Variants in PTPRG observed in about 807,000 individuals in gnomAD.
PTPRG encodes the protein receptor-type tyrosine-protein phosphatase gamma.
A neutral mutation model predicts 165.3 loss-of-function variants in PTPRG; 102 were observed. The observed-to-expected ratio is 0.62, with a 90% CI of 0.53 to 0.73. The LOEUF (loss-of-function observed/expected upper bound fraction) is 0.73, where lower values mean the gene tolerates loss of function less well. PTPRG is among the 30% of genes least tolerant of loss of function. The pLI, the probability that PTPRG is intolerant of heterozygous loss-of-function variation, is 0.00. For missense variants in PTPRG, 1,866 were observed against 1,861.4 expected, an observed-to-expected ratio of 1.00 and a Z score of -0.05; for synonymous variants, 675 against 669.5, an observed-to-expected ratio of 1.01 and a Z score of -0.13.
At chr3:62,275,634 C>T (rs1440630811) in intron 23 of PTPRG, among the ~76,000 whole-genome samples, 1 of 152,128 alleles carries the variant, frequency 6.6e-6, no homozygotes, top group Non-Finnish European at 1.5e-5. Flanking sequence ...TGTGCTGATG[C>T]ACCTGTGGTC....
intron 1 of PTPRG, among the ~76,000 whole-genome samples, chr3:61,626,346 G>A (rs951191941): frequency 1.3e-5 from 2 of 152,056 alleles, no homozygotes; most frequent in African/African-American, 4.8e-5. Flanking sequence ...CTTATTGCTG[G>A]AAAATCTGTA....
chr3:61,721,166 T>C (rs1372822227), intron 1 of PTPRG, among the ~76,000 whole-genome samples: 2 of 152,248 alleles, frequency 1.3e-5, no homozygotes, highest in Non-Finnish European at 2.9e-5. Context: ...TTTCTGTTTC[T>C]GGTCACTGGC....
rs575334596 is a variant in PTPRG at position 62,062,020 on chromosome 3, G to A, written c.520-16143G>A. On this transcript the variant is annotated intron_variant, in intron 4 of 29. Coordinates refer to ENST00000474889, the MANE Select transcript of PTPRG (RefSeq NM_002841.4). Reference sequence around the variant, plus strand: ...TTTCGTTACAATTTAGTATGGGGGGGCGGGCGTGGTGGCTCACGCCTGTAA... The same window carrying A: ...TTTCGTTACAATTTAGTATGGGGGGACGGGCGTGGTGGCTCACGCCTGTAA... Among the ~76,000 whole-genome samples the A allele has an allele frequency of 2.8e-3, 420 of 151,946 alleles. 1 individual carries two copies. The highest frequency in any genetic ancestry group is 9.7e-3 in the African/African-American group (402 of 41,496).
At chr3:61,997,882 C>T (rs986256850) in intron 3 of PTPRG, among the ~76,000 whole-genome samples, 2 of 152,162 alleles carry the variant, frequency 1.3e-5, no homozygotes, top group Non-Finnish European at 2.9e-5. Flanking sequence ...CCCAGGGCAA[C>T]CCTCTGATGT....
At chr3:62,026,794 G>T (rs1435668604) in intron 4 of PTPRG, among the ~76,000 whole-genome samples, 2 of 150,546 alleles carry the variant, frequency 1.3e-5, no homozygotes, top group African/African-American at 4.9e-5. Flanking sequence ...TCTGAGGCAG[G>T]AGAATCGCTT....
At chr3:61,715,928 G>A (rs541001834) in intron 1 of PTPRG, among the ~76,000 whole-genome samples, 173 of 151,794 alleles carry the variant, frequency 1.1e-3, no homozygotes, top group African/African-American at 4.0e-3. Context: ...ATTAGTCCCT[G>A]GATAGATAAG....
At chr3:61,868,535 A>G (rs991175913) in intron 2 of PTPRG, among the ~76,000 whole-genome samples, 3 of 151,848 alleles carry the variant, frequency 2.0e-5, no homozygotes, top group Non-Finnish European at 4.4e-5. Context: ...TTCCTTGTTC[A>G]CTTTCCCCCT....
intron 1 of PTPRG, among the ~76,000 whole-genome samples, chr3:61,586,762 A>C (rs1015755228): frequency 4.6e-5 from 7 of 152,238 alleles, no homozygotes; most frequent in Admixed American, 2.6e-4. Context: ...TCCCAGAAAC[A>C]ATCTACTTGG....
chr3:62,037,246 T>C (rs1455468625), intron 4 of PTPRG, among the ~76,000 whole-genome samples: 1 of 152,170 alleles, frequency 6.6e-6, no homozygotes, highest in African/African-American at 2.4e-5. Context: ...CATTTGCTCA[T>C]ATGGAAACAA....
chr3:61,570,478 G>C (rs1700030035), intron 1 of PTPRG, among the ~76,000 whole-genome samples: 1 of 152,140 alleles, frequency 6.6e-6, no homozygotes, highest in Non-Finnish European at 1.5e-5. Context: ...TTATTTTTGG[G>C]TCTGTGATAC....
Position 61,786,044 on chromosome 3 carries a change from A to G in PTPRG, c.190+37062A>G, listed in dbSNP as rs535008181. On this transcript the variant is annotated intron_variant, in intron 2 of 29. Coordinates refer to ENST00000474889, the MANE Select transcript of PTPRG (RefSeq NM_002841.4). ...AACTACTAATTAGACTTATAAATAAAAGCCACCTTAAATGAACATCATGTG... is the reference window on the plus strand; with the variant it reads ...AACTACTAATTAGACTTATAAATAAGAGCCACCTTAAATGAACATCATGTG... 8.5e-5 allele frequency among the ~76,000 whole-genome samples: 13 copies of G among 152,272 alleles called. No homozygotes were observed. In the South Asian group the frequency reaches 1.0e-3, roughly 12 times the overall value.
intron 2 of PTPRG, among the ~76,000 whole-genome samples, chr3:61,848,293 GC>G (rs1331010821): frequency 2.0e-5 from 3 of 152,202 alleles, no homozygotes; most frequent in Non-Finnish European, 2.9e-5. Context: ...GCTGGGTGGG[GC>G]TGAAGTCACA....
At chr3:61,921,115 A>T (rs1186491405) in intron 2 of PTPRG, among the ~76,000 whole-genome samples, 9 of 120,592 alleles carry the variant, frequency 7.5e-5, no homozygotes, top group African/African-American at 3.0e-4. Flanking sequence ...CCTTCCATCC[A>T]TCTCCTTCCT....
chr3:62,115,142 T>C (rs1334244457), intron 5 of PTPRG, among the ~76,000 whole-genome samples: 5 of 152,176 alleles, frequency 3.3e-5, no homozygotes, highest in African/African-American at 9.7e-5. Context: ...TCATCTCTTA[T>C]CTTCCTACCT....
chr3:62,069,208 C>A (rs1376959555), intron 4 of PTPRG, among the ~76,000 whole-genome samples: 18 of 152,204 alleles, frequency 1.2e-4, no homozygotes. Context: ...CCAAAGCAAG[C>A]GCTTAGCGAA....
chr3:61,655,598 T>G (rs1216309389), intron 1 of PTPRG, among the ~76,000 whole-genome samples: 2 of 152,092 alleles, frequency 1.3e-5, no homozygotes, highest in African/African-American at 4.8e-5. Flanking sequence ...TTTGGCTCTT[T>G]TACTTTGTAT....
chr3:61,673,823 T>C (rs1446655072), intron 1 of PTPRG, among the ~76,000 whole-genome samples: 1 of 152,144 alleles, frequency 6.6e-6, no homozygotes. Context: ...TTCCTTATGT[T>C]AAGATGTGGT....
chr3:62,070,958 GA>G (rs768887343), intron 4 of PTPRG, among the ~76,000 whole-genome samples: 4 of 151,478 alleles, frequency 2.6e-5, no homozygotes, highest in Admixed American at 1.3e-4. Context: ...GAAAAAAAAA[GA>G]AAAATACATT....
chr3:62,096,289 A>G (rs2106812384), intron 5 of PTPRG, among the ~76,000 whole-genome samples: 1 of 152,260 alleles, frequency 6.6e-6, no homozygotes, highest in Middle Eastern at 3.4e-3. Context: ...ACGCTTCTGG[A>G]GGGTGAAAGC....
Sources: gnomAD v4.1 joint callset for allele counts (sites outside exome capture counted in the v4.1 genomes callset) on GRCh38, gnomAD v4.1.1 for gene constraint, MANE v1.5 for transcripts, NCBI Gene and HGNC (gene_info 2026-07-23, HGNC 2026-07-21) for gene names.